Variants in EDRF1 observed in about 807,000 individuals in gnomAD.
EDRF1 encodes the protein erythroid differentiation-related factor 1.
EDRF1 carries 69 observed loss-of-function variants against 148.7 expected under a neutral mutation model. That is an observed-to-expected ratio of 0.46 (90% CI 0.38 to 0.57). The LOEUF (loss-of-function observed/expected upper bound fraction) is 0.57. EDRF1 is among the 20% of genes least tolerant of loss of function. The probability of loss-of-function intolerance (pLI) is 0.00; values close to 1 mark genes in which losing one functional copy is unlikely to be tolerated. For synonymous variants in EDRF1, 515 were observed against 532.8 expected, an observed-to-expected ratio of 0.97 and a Z score of 0.46; for missense variants, 1,118 against 1,478.7, an observed-to-expected ratio of 0.76 and a Z score of 4.00.
intron 21 of EDRF1, 114 bp from the exon 22 acceptor site, chr10:125,749,298 A>T: frequency 8.2e-7 from 1 of 1,222,058 alleles, no homozygotes; most frequent in Non-Finnish European, 1.2e-6. Context: ...ATAAAAGCTA[A>T]AACTAATAAG....
chr10:125,748,342 A>G (rs1849472865), intron 21 of EDRF1: 2 of 380,908 alleles, frequency 5.3e-6, no homozygotes, highest in Non-Finnish European at 5.0e-6. Context: ...TTAAATGACT[A>G]TATCTTAGTT....
At chr10:125,745,650 G>C in intron 18 of EDRF1, 57 bp from the exon 19 acceptor site, 1 of 1,573,362 alleles carries the variant, frequency 6.4e-7, no homozygotes, top group Non-Finnish European at 8.7e-7. Flanking sequence ...AAGAGACAGT[G>C]CTAAGGTTTA....
intron 17 of EDRF1, chr10:125,742,542 T>TG: frequency 4.1e-6 from 4 of 985,444 alleles, no homozygotes; most frequent in Non-Finnish European, 4.8e-6. Context: ...ATAATCATGT[T>TG]TTAATGTAGT....
chr10:125,743,795 G>A (rs1294609091), intron 18 of EDRF1, among the ~76,000 whole-genome samples: 1 of 152,202 alleles, frequency 6.6e-6, no homozygotes, highest in Non-Finnish European at 1.5e-5. Flanking sequence ...AGACCAAGGA[G>A]GCGGTGTGAG....
At chr10:125,739,122 T>TA (rs543903978) in intron 15 of EDRF1, among the ~76,000 whole-genome samples, 2,598 of 144,988 alleles carry the variant, frequency 0.018, 70 homozygotes, top group East Asian at 0.1. Flanking sequence ...TTCAATTGTT[T>TA]AAAAAAAAAA....
chr10:125,727,963 G>A (rs202189836), intron 6 of EDRF1, among the ~76,000 whole-genome samples: 3 of 152,050 alleles, frequency 2.0e-5, no homozygotes, highest in Admixed American at 6.5e-5. Flanking sequence ...TTGGGAGGCC[G>A]AGGTGGGTGG....
At chr10:125,722,243 T>C (rs935436289) in intron 2 of EDRF1, among the ~76,000 whole-genome samples, 11 of 152,232 alleles carry the variant, frequency 7.2e-5, no homozygotes, top group African/African-American at 2.7e-4. Flanking sequence ...GTGAGGAAAT[T>C]TGAATAATTA....
chr10:125,747,120 T>C (rs1429877319), intron 19 of EDRF1: 1 of 170,612 alleles, frequency 5.9e-6, no homozygotes, highest in Non-Finnish European at 1.3e-5. Context: ...GGCCATGTAT[T>C]TGAGGATTGG....
rs1301313385 is a variant in EDRF1 at position 125,740,787 on chromosome 10, G to A, written c.2170+136G>A. 7.9e-6 allele frequency: 9 copies of A among 1,140,502 alleles called. No individual in the cohort carries two copies. The African/African-American group carries it at 9.3e-5, about 12-fold the overall frequency. 70.6% of individuals were successfully genotyped at this position (1,140,502 alleles called of 1,614,324 possible). A position where few individuals can be genotyped will look rare whatever the true frequency, so the allele number is the denominator to read the frequency against. On this transcript the variant is annotated intron_variant, in intron 16 of 24. Coordinates refer to ENST00000356792, the MANE Select transcript of EDRF1 (RefSeq NM_001202438.2). ...AAAATGACTGTTTCCAATCCTGTGT[G>A]TGTTACCTTCTATTTTAGTTTCTGC...
intron 9 of EDRF1, among the ~76,000 whole-genome samples, chr10:125,732,626 A>G (rs1848530913): frequency 6.6e-6 from 1 of 152,160 alleles, no homozygotes; most frequent in Non-Finnish European, 1.5e-5. Context: ...ACAGGAAAGG[A>G]GCATTTTAAG....
chr10:125,752,813 G>A lies in EDRF1; in HGVS notation c.3292G>A (p.Val1098Ile), dbSNP rs2133755440. The A allele has an allele frequency of 6.2e-7, 1 of 1,612,786 alleles. No homozygotes were observed. The highest frequency in any genetic ancestry group is 8.5e-7 in the Non-Finnish European group (1 of 1,178,874). ...EFQMTSQNSN[V>I]GKLKTLSGAL... Reference sequence around the variant, plus strand: ...TAAAACTTTAGGTCAGAATAGCAATGTTGGAAAGTTGAAAACACTATCTGG... The same window carrying A: ...TAAAACTTTAGGTCAGAATAGCAATATTGGAAAGTTGAAAACACTATCTGG... Residue 1098 changes from valine (V) to isoleucine (I), a missense_variant, in exon 23 of 25, where the codon GTT becomes ATT. Around this residue, in one of 3 missense-constraint regions of EDRF1, gnomAD observed 954 missense variants for 1,241.4 expected, o/e 0.77. Coordinates refer to ENST00000356792, the MANE Select transcript of EDRF1 (RefSeq NM_001202438.2).
chr10:125,762,505 G>C (rs1850238551), intron 24 of EDRF1, among the ~76,000 whole-genome samples: 1 of 149,712 alleles, frequency 6.7e-6, no homozygotes. Context: ...AAAAAAAAAA[G>C]ATGCTAGATA....
rs759873722 is a variant in EDRF1, at chr10:125,749,444, G to A, written c.3156G>A (p.Arg1052=). The stretch of plus-strand genomic sequence containing the variant: ...ATGAACACCTTAGGAAACAACACCG[G>A]GTGCTGGCAGATCTTCATTACAGCA... ...VGDEHLRKQH[R]VLADLHYSKA... The change falls in exon 22 of 25, where the codon CGG becomes CGA. Residue 1052 remains arginine (R), a synonymous_variant. Transcript: ENST00000356792. 3 of 1,614,048 alleles carry A rather than the reference G, an allele frequency of 1.9e-6. No individual in the cohort carries two copies. Among genetic ancestry groups the A allele is most frequent in the South Asian group, 2.2e-5 (2 of 91,082 alleles).
At chr10:125,725,487 G>T in intron 5 of EDRF1, 45 bp downstream of exon 5, 1 of 1,610,708 alleles carries the variant, frequency 6.2e-7, no homozygotes, top group South Asian at 1.1e-5. Flanking sequence ...AGGGAATTCT[G>T]ATCTAAAATT....
chr10:125,723,032 G>T (rs1400429573), intron 2 of EDRF1, 36 bp from the exon 3 acceptor site: 4 of 1,496,494 alleles, frequency 2.7e-6, no homozygotes, highest in Non-Finnish European at 3.7e-6. Flanking sequence ...TTATGAGCAT[G>T]ACCTCATAAC....
At position 125,721,364 on chromosome 10, in the gene EDRF1, C is replaced by T; in HGVS notation, c.269C>T (p.Ala90Val). 6.2e-7 allele frequency: 1 copy of T among 1,614,184 alleles called. No homozygotes were observed. Among genetic ancestry groups the T allele is most frequent in the Non-Finnish European group, 8.5e-7 (1 of 1,180,032 alleles). Reference protein sequence around the residue: ...WLRESAKLGPAGTTILGNSKK... With the variant: ...WLRESAKLGPVGTTILGNSKK... ...CGAGAGAGTGCCAAACTAGGGCCAG[C>T]AGGAACTACCATTCTTGGCAACAGC... is the stretch of plus-strand genomic sequence containing the variant. The change falls in exon 2 of 25, where the codon GCA becomes GTA. Residue 90 changes from alanine (A) to valine (V), a missense_variant. By Grantham distance (64) the Ala-to-Val change is moderately conservative. Coordinates refer to ENST00000356792, the MANE Select transcript of EDRF1 (RefSeq NM_001202438.2).
intron 1 of EDRF1, among the ~76,000 whole-genome samples, chr10:125,720,982 A>G (rs1227933577): frequency 7.2e-5 from 11 of 152,190 alleles, no homozygotes; most frequent in Admixed American, 7.2e-4. Context: ...GCTGATAACC[A>G]TAACCATCAT....
intron 21 of EDRF1, chr10:125,749,001 C>T (rs1849513202): frequency 3.8e-6 from 1 of 265,770 alleles, no homozygotes; most frequent in Non-Finnish European, 7.4e-6. Context: ...CCTGTAATCC[C>T]AGCACTTTGG....
At chr10:125,749,680 A>AT in intron 22 of EDRF1, 115 bp downstream of exon 22, 1 of 1,263,034 alleles carries the variant, frequency 7.9e-7, no homozygotes, top group Non-Finnish European at 1.1e-6. Context: ...AATTTGCCCC[A>AT]TAGTTAATGA....
Sources: allele counts gnomAD v4.1 joint callset (sites outside exome capture counted in the v4.1 genomes callset), GRCh38; gene constraint gnomAD v4.1.1; regional missense constraint gnomAD v4.1.1; transcripts MANE v1.5; gene names NCBI Gene and HGNC (gene_info 2026-07-23, HGNC 2026-07-21).